The following RPTOR variants were observed in gnomAD, a reference collection of about 807,000 sequenced individuals.
RPTOR encodes the protein regulatory-associated protein of mTOR.
RPTOR carries 21 observed loss-of-function variants against 169.9 expected under a neutral mutation model. The ratio of observed to expected loss-of-function variants is 0.12; its 90% CI spans 0.09 to 0.18. The LOEUF is 0.18. Among genes scored for constraint, RPTOR ranks in the 10% least tolerant of loss-of-function variants. The pLI, the probability that RPTOR is intolerant of heterozygous loss-of-function variation, is 1.00. For synonymous variants in RPTOR, 732 were observed against 753.2 expected (o/e 0.97, Z 0.46); for missense variants, 1,133 against 1,855.9 (o/e 0.61, Z 7.16).
chr17:80,857,758 A>G (rs1269811772), intron 12 of RPTOR, 32 bp from the exon 13 acceptor site: 7 of 1,534,046 alleles, frequency 4.6e-6, no homozygotes, highest in Non-Finnish European at 6.3e-6. Context: ...TTGCTGCGGC[A>G]CAGGTGCGCT....
intron 3 of RPTOR, among the ~76,000 whole-genome samples, chr17:80,675,143 C>T (rs775778905): frequency 6.6e-6 from 1 of 152,104 alleles, no homozygotes; most frequent in Non-Finnish European, 1.5e-5. Context: ...TTTTTTCTTA[C>T]AAATTCTGTA....
rs1035109761 is a variant in RPTOR at position 80,812,661 on chromosome 17, C to T, written c.891-9540C>T. 2.0e-4 allele frequency among the ~76,000 whole-genome samples: 31 copies of T among 152,308 alleles called. No individual in the cohort carries two copies. The East Asian group carries it at 5.0e-3, about 25-fold the overall frequency. On this transcript the variant is annotated intron_variant, in intron 7 of 33. Transcript: ENST00000306801. ...AGCTCAACCCCTGGCTTCCCCTCCT[C>T]GAGTCTTGGCCCCATAATTTCTCAT...
intron 20 of RPTOR, among the ~76,000 whole-genome samples, chr17:80,901,640 T>G (rs894371391): frequency 2.0e-5 from 3 of 152,154 alleles, no homozygotes; most frequent in Non-Finnish European, 2.9e-5. Flanking sequence ...CCAGCCAATT[T>G]CTTCTTTCAT....
chr17:80,878,777 C>T lies in RPTOR; in HGVS notation c.1510-1638C>T, dbSNP rs138359508. Among the ~76,000 whole-genome samples, 7 of 152,316 alleles carry T rather than the reference C, an allele frequency of 4.6e-5. No homozygotes were observed. The East Asian group carries it at 5.8e-4, about 13-fold the overall frequency. ...GGGCAAATACTTCCCGAAGTATTAT[C>T]GTTACCCCTGAATATCCAAGGCAGG... On this transcript the variant is annotated intron_variant, in intron 13 of 33. Coordinates refer to ENST00000306801, the MANE Select transcript of RPTOR (RefSeq NM_020761.3). This position sits in a 1 kb window ranked among gnomAD's most constrained non-coding sequence, Gnocchi z 4.1.
chr17:80,827,752 C>T (rs1039389368), intron 9 of RPTOR, among the ~76,000 whole-genome samples: 3 of 152,222 alleles, frequency 2.0e-5, no homozygotes, highest in Admixed American at 2.0e-4. Flanking sequence ...CCAGTCGCGG[C>T]GGGTGACCAC....
chr17:80,884,935 C>G, intron 16 of RPTOR, 73 bp from the exon 17 acceptor site: 1 of 1,534,852 alleles, frequency 6.5e-7, no homozygotes, highest in Non-Finnish European at 8.8e-7. Context: ...CCTGCACACA[C>G]AGCCCTGGCA....
intron 24 of RPTOR, among the ~76,000 whole-genome samples, chr17:80,929,892 C>T (rs148526593): frequency 3.2e-4 from 48 of 152,270 alleles, no homozygotes; most frequent in African/African-American, 1.1e-3. Context: ...TTGTTTTTCT[C>T]CTCTGAGAAT....
chr17:80,961,336 G>A (rs1280624805), intron 30 of RPTOR, 58 bp from the exon 31 acceptor site: 27 of 1,489,216 alleles, frequency 1.8e-5, no homozygotes, highest in South Asian at 9.9e-5. Context: ...TGAGAGCCCC[G>A]AAGGGTGGGG....
intron 6 of RPTOR, among the ~76,000 whole-genome samples, chr17:80,760,761 C>G (rs770958561): frequency 6.6e-6 from 1 of 152,140 alleles, no homozygotes. Context: ...GGGCGATGCT[C>G]GGGAAGGTGG....
At position 80,841,272 on chromosome 17, in the gene RPTOR, T is replaced by A. The variant is rs1286954371; in HGVS notation, c.1212+3275T>A. Among the ~76,000 whole-genome samples, 5 of 59,680 alleles carry A rather than the reference T, an allele frequency of 8.4e-5. 1 individual carries two copies. The highest frequency in any genetic ancestry group is 1.9e-4 in the African/African-American group (3 of 15,562). 39.2% of individuals were successfully genotyped at this position (59,680 alleles called of 152,430 possible). Reference sequence around the variant, plus strand: ...TCACTCTCACCGCACCGCAGCTCACTCTCACCGCACGGCAGCTCACTCTCA... The same window carrying A: ...TCACTCTCACCGCACCGCAGCTCACACTCACCGCACGGCAGCTCACTCTCA... On this transcript the variant is annotated intron_variant, in intron 10 of 33. Transcript: ENST00000306801.
At position 80,665,502 on chromosome 17, in the gene RPTOR, C is replaced by T. The variant is rs58857128; in HGVS notation, c.348+21692C>T. ...CCTTTCCTTTCCTTTCCTTTCCTTT[C>T]CATGTCCTTTCCTTTCCTTTCCATG... is the stretch of plus-strand genomic sequence containing the variant. On this transcript the variant is annotated intron_variant, in intron 3 of 33. Transcript: ENST00000306801. Among the ~76,000 whole-genome samples, 30 of 11,464 alleles carry T rather than the reference C, an allele frequency of 2.6e-3. 6 individuals carry two copies. Among genetic ancestry groups the T allele is most frequent in the African/African-American group, 0.015 (13 of 880 alleles). The allele number at this position is 11,464 out of a possible 152,430, so 7.5% of individuals were successfully genotyped here. A position where few individuals can be genotyped will look rare whatever the true frequency, so the allele number is the denominator to read the frequency against.
intron 2 of RPTOR, among the ~76,000 whole-genome samples, chr17:80,635,276 C>T (rs1014592139): frequency 3.3e-5 from 5 of 152,340 alleles, no homozygotes; most frequent in South Asian, 2.1e-4. Flanking sequence ...TTCCTCTGCA[C>T]GGGCTCAGGG....
chr17:80,851,240 C>G (rs561267577), intron 11 of RPTOR, among the ~76,000 whole-genome samples: 35 of 152,312 alleles, frequency 2.3e-4, no homozygotes, highest in African/African-American at 8.2e-4. Context: ...CATGATTAAT[C>G]TTTAGTTTGG....
intron 6 of RPTOR, among the ~76,000 whole-genome samples, chr17:80,786,561 G>A (rs1322258039): frequency 6.6e-6 from 1 of 152,184 alleles, no homozygotes; most frequent in African/African-American, 2.4e-5. Flanking sequence ...AGTGACACCG[G>A]CACTGCCATG....
chr17:80,692,266 C>T (rs1347897695), intron 3 of RPTOR, among the ~76,000 whole-genome samples: 1 of 150,236 alleles, frequency 6.7e-6, no homozygotes, highest in Non-Finnish European at 1.5e-5. Context: ...TGCACGCCAC[C>T]ATGTCTGGCT....
intron 20 of RPTOR, among the ~76,000 whole-genome samples, chr17:80,897,812 G>A (rs2068425490): frequency 6.6e-6 from 1 of 152,200 alleles, no homozygotes; most frequent in South Asian, 2.1e-4. Context: ...AGAGTTGCTT[G>A]AATTCGGGCA....
rs1027348482 is a variant in RPTOR, at chr17:80,960,646, G to C, written c.3605+441G>C. 4.6e-6 allele frequency: 1 copy of C among 218,940 alleles called. No homozygotes were observed. Among genetic ancestry groups the C allele is most frequent in the South Asian group, 7.7e-5 (1 of 13,030 alleles). 13.6% of individuals were successfully genotyped at this position (218,940 alleles called of 1,614,324 possible). ...ACACACGTGGGCACAGCAGCCCTGGGCACTGCCTCCACTGAGCACCCCTGT... is the reference window on the plus strand; with the variant it reads ...ACACACGTGGGCACAGCAGCCCTGGCCACTGCCTCCACTGAGCACCCCTGT... On this transcript the variant is annotated intron_variant, in intron 30 of 33. Coordinates refer to ENST00000306801, the MANE Select transcript of RPTOR (RefSeq NM_020761.3). This position sits in a 1 kb window ranked among gnomAD's most constrained non-coding sequence, Gnocchi z 4.8.
chr17:80,783,234 G>C (rs1020686010), intron 6 of RPTOR, among the ~76,000 whole-genome samples: 17 of 152,128 alleles, frequency 1.1e-4, no homozygotes, highest in African/African-American at 4.1e-4. Context: ...ATCAATGTAG[G>C]AATGCCTGTG....
intron 13 of RPTOR, among the ~76,000 whole-genome samples, chr17:80,862,413 C>T (rs2067927359): frequency 6.6e-6 from 1 of 152,092 alleles, no homozygotes; most frequent in Non-Finnish European, 1.5e-5. Context: ...TTCCTCTACT[C>T]CCTTCCCCTC....
Sources: allele counts gnomAD v4.1 joint callset (sites outside exome capture counted in the v4.1 genomes callset), GRCh38; gene constraint gnomAD v4.1.1; non-coding constraint Gnocchi (gnomAD v3.1); transcripts MANE v1.5; gene names NCBI Gene and HGNC (gene_info 2026-07-23, HGNC 2026-07-21).